GLP1R: variants seen among roughly 807,000 people sequenced by gnomAD.
GLP1R encodes glucagon-like peptide 1 receptor.
A neutral mutation model predicts 68.4 loss-of-function variants in GLP1R; 32 were observed. That is an observed-to-expected ratio of 0.47 (90% CI 0.35 to 0.63). GLP1R has a LOEUF of 0.63. Among genes scored for constraint, GLP1R ranks in the 20% least tolerant of loss-of-function variants. The pLI is 0.00. For synonymous variants in GLP1R, 263 were observed against 244.4 expected (o/e 1.08, Z -0.71); for missense variants, 502 against 594.9 (o/e 0.84, Z 1.62).
rs1443679451 is a variant in GLP1R at position 39,063,960 on chromosome 6, CA to C, written c.284-1750del. On this transcript the variant is annotated intron_variant, in intron 3 of 12. Coordinates refer to ENST00000373256, the MANE Select transcript of GLP1R (RefSeq NM_002062.5). ...ACACACACACACACACACACACACA[CA>C]CCCCACATTAATGAAGCCTCTTCTC... 7.8e-3 allele frequency among the ~76,000 whole-genome samples: 1,005 copies of C among 129,052 alleles called. 13 individuals are homozygous for C. Among genetic ancestry groups the C allele is most frequent in the African/African-American group, 0.029 (917 of 31,712 alleles). The allele number at this position is 129,052 out of a possible 152,430, so 84.7% of individuals were successfully genotyped here.
rs10305430 is a variant in GLP1R, at chr6:39,055,526, G to A, written c.79-871G>A. ...GGTCTGTGTGCTGAAAAGCCATTTC[G>A]GTGACCTCACTGGAAGTGGAGGCTC... On this transcript the variant is annotated intron_variant, in intron 1 of 12. Coordinates refer to ENST00000373256, the MANE Select transcript of GLP1R (RefSeq NM_002062.5). Among the ~76,000 whole-genome samples the A allele has an allele frequency of 8.6e-4, 131 of 152,272 alleles. 1 individual carries two copies. Among genetic ancestry groups the A allele is most frequent in the African/African-American group, 3.0e-3 (124 of 41,544 alleles).
At position 39,072,800 on chromosome 6, in the gene GLP1R, T is replaced by A. The variant is rs1768710109; in HGVS notation, c.510-62T>A. 10 of 1,466,302 alleles carry A rather than the reference T, an allele frequency of 6.8e-6. No homozygotes were observed. The South Asian group carries it at 9.7e-5, about 14-fold the overall frequency. 90.8% of individuals were successfully genotyped at this position (1,466,302 alleles called of 1,614,324 possible). A position where few individuals can be genotyped will look rare whatever the true frequency, so the allele number is the denominator to read the frequency against. ...TAATGTGTGTGTTAGCTTGAGAGCCTGGGGTTGTAGAGCAGAACTGTTGGC... is the reference window on the plus strand; with the variant it reads ...TAATGTGTGTGTTAGCTTGAGAGCCAGGGGTTGTAGAGCAGAACTGTTGGC... On this transcript the variant is annotated intron_variant, in intron 5 of 12. Coordinates refer to ENST00000373256, the MANE Select transcript of GLP1R (RefSeq NM_002062.5).
chr6:39,056,017 C>G (rs529491373), intron 1 of GLP1R, among the ~76,000 whole-genome samples: 4 of 152,286 alleles, frequency 2.6e-5, no homozygotes, highest in Non-Finnish European at 5.9e-5. Flanking sequence ...GCTGACTAGG[C>G]GCCAGAAGGA....
Position 39,090,472 on chromosome 6 carries a change from C to T in GLP1R, c.*4399C>T, listed in dbSNP as rs1769255359. Among the ~76,000 whole-genome samples, 1 of 152,154 alleles carries T rather than the reference C, an allele frequency of 6.6e-6. No homozygotes were observed. The highest frequency in any genetic ancestry group is 2.1e-4 in the South Asian group (1 of 4,824). Reference sequence around the variant, plus strand: ...CTGCACTCCTCCTCCCCGACAGCTGCCTCAGGAATAGGTGACCCTGCTGGC... The same window carrying T: ...CTGCACTCCTCCTCCCCGACAGCTGTCTCAGGAATAGGTGACCCTGCTGGC... On this transcript the variant is annotated 3_prime_UTR_variant, in exon 13 of 13. Coordinates refer to ENST00000373256, the MANE Select transcript of GLP1R (RefSeq NM_002062.5).
chr6:39,052,187 T>C (rs934971803), intron 1 of GLP1R, among the ~76,000 whole-genome samples: 3 of 151,962 alleles, frequency 2.0e-5, no homozygotes, highest in African/African-American at 7.3e-5. Context: ...GTGTGTAGTA[T>C]TCCTTTTCCT....
Position 39,088,916 on chromosome 6 carries a change from G to T in GLP1R, c.*2843G>T, listed in dbSNP as rs1769214352. Among the ~76,000 whole-genome samples, 1 of 152,196 alleles carries T rather than the reference G, an allele frequency of 6.6e-6. No homozygotes were observed. Among genetic ancestry groups the T allele is most frequent in the Non-Finnish European group, 1.5e-5 (1 of 68,034 alleles). Reference sequence around the variant, plus strand: ...GGTCACAACACTAGAGGGTGGTTGAGCTGGGCCAGGACCCAGACAAGCCCT... The same window carrying T: ...GGTCACAACACTAGAGGGTGGTTGATCTGGGCCAGGACCCAGACAAGCCCT... On this transcript the variant is annotated 3_prime_UTR_variant, in exon 13 of 13. Transcript: ENST00000373256.
At chr6:39,073,062 G>A (rs1768718448) in intron 6 of GLP1R, 47 bp downstream of exon 6, 1 of 1,568,554 alleles carries the variant, frequency 6.4e-7, no homozygotes, top group Non-Finnish European at 8.7e-7. Flanking sequence ...GGCGGTTGGA[G>A]GAGGCCTGCC....
intron 1 of GLP1R, among the ~76,000 whole-genome samples, chr6:39,053,918 TAAC>T (rs1202841260): frequency 6.6e-6 from 1 of 152,084 alleles, no homozygotes. Context: ...ATCCTCCTGA[TAAC>T]AGTCCACAGC....
rs1231391795 is a variant in GLP1R at position 39,087,536 on chromosome 6, T to A, written c.*1463T>A. On this transcript the variant is annotated 3_prime_UTR_variant, in exon 13 of 13. Coordinates refer to ENST00000373256, the MANE Select transcript of GLP1R (RefSeq NM_002062.5). ...AGAAGTTTCTGGAGCAAGAGAGAGCTCGCTCTTGGGAGTCAGGACCTCCGG... is the reference window on the plus strand; with the variant it reads ...AGAAGTTTCTGGAGCAAGAGAGAGCACGCTCTTGGGAGTCAGGACCTCCGG... 1 of 152,196 alleles carries A rather than the reference T, an allele frequency of 6.6e-6. No homozygotes were observed. The highest frequency in any genetic ancestry group is 1.5e-5 in the Non-Finnish European group (1 of 68,084). 9.4% of individuals were successfully genotyped at this position (152,196 alleles called of 1,614,324 possible).
chr6:39,058,830 T>A (rs1768283636), intron 3 of GLP1R, among the ~76,000 whole-genome samples: 1 of 152,232 alleles, frequency 6.6e-6, no homozygotes, highest in Non-Finnish European at 1.5e-5. Context: ...TTGTTCCAAA[T>A]GATGTGGTCA....
chr6:39,066,756 C>T (rs973507096), intron 5 of GLP1R, among the ~76,000 whole-genome samples: 2 of 152,286 alleles, frequency 1.3e-5, no homozygotes, highest in African/African-American at 2.4e-5. Flanking sequence ...CTAGATGAGA[C>T]GTTCCTTCCA....
intron 3 of GLP1R, among the ~76,000 whole-genome samples, chr6:39,061,290 T>G (rs553249254): frequency 2.0e-5 from 3 of 152,302 alleles, no homozygotes; most frequent in South Asian, 4.1e-4. Context: ...TGAAGTGGCT[T>G]CAGAGAGCCT....
Position 39,052,509 on chromosome 6 carries a change from G to A in GLP1R, c.78+3591G>A, listed in dbSNP as rs779447519. 1.2e-4 allele frequency among the ~76,000 whole-genome samples: 19 copies of A among 152,242 alleles called. 1 individual carries two copies. The highest frequency in any genetic ancestry group is 3.9e-4 in the East Asian group (2 of 5,172). On this transcript the variant is annotated intron_variant, in intron 1 of 12. Transcript: ENST00000373256. ...CCCACCTCTGTGCCACCTCCTTCCC[G>A]TCACCAAAATGGTCCCCAGAGAAAG... is the stretch of plus-strand genomic sequence containing the variant.
At chr6:39,067,009 A>G (rs1768536941) in intron 5 of GLP1R, among the ~76,000 whole-genome samples, 1 of 152,140 alleles carries the variant, frequency 6.6e-6, no homozygotes, top group Non-Finnish European at 1.5e-5. Flanking sequence ...TTTTATTATG[A>G]ATTATTCCAG....
rs776464173 is a variant in GLP1R, at chr6:39,079,022, T to C, written c.950T>C (p.Ile317Thr). 5.4e-5 allele frequency: 87 copies of C among 1,613,872 alleles called. No individual in the cohort carries two copies. The highest frequency in any genetic ancestry group is 2.5e-4 in the African/African-American group (19 of 75,050). The change falls in exon 9 of 13, where the codon ATT becomes ACT. Residue 317 changes from isoleucine to threonine, a missense_variant. Transcript: ENST00000373256. This position sits in a 1 kb window ranked among gnomAD's most constrained non-coding sequence, Gnocchi z 4.5. ...ATCCGGCTGCCCATTCTCTTTGCCA[T>C]TGGGGTGAGTGATGGTGTCAGGGAT... ...LIIRLPILFA[I>T]GVNFLIFVRV... is the part of the protein sequence containing the mutation.
intron 12 of GLP1R, among the ~76,000 whole-genome samples, chr6:39,085,354 C>T (rs1769117345): frequency 6.6e-6 from 1 of 152,228 alleles, no homozygotes; most frequent in Admixed American, 6.5e-5. Context: ...CACTGGCTGC[C>T]CCTTCCTCCC....
chr6:39,066,252 C>T lies in GLP1R; in HGVS notation c.458C>T (p.Ala153Val). ...TACATCATCTACACGGTGGGCTACG[C>T]ACTCTCCTTCTCTGCTCTGGTTATC... Reference protein sequence around the residue: ...FLYIIYTVGYALSFSALVIAS... With the variant: ...FLYIIYTVGYVLSFSALVIAS... The change falls in exon 5 of 13, where the codon GCA (alanine) becomes GTA (valine). Residue 153 changes from alanine (A) to valine (V), a missense_variant. Transcript: ENST00000373256. 1.9e-6 allele frequency: 3 copies of T among 1,613,476 alleles called. No homozygotes were observed. Among genetic ancestry groups the T allele is most frequent in the Non-Finnish European group, 2.5e-6 (3 of 1,179,402 alleles).
At chr6:39,054,512 C>T (rs550714554) in intron 1 of GLP1R, among the ~76,000 whole-genome samples, 1 of 152,140 alleles carries the variant, frequency 6.6e-6, no homozygotes, top group South Asian at 2.1e-4. Flanking sequence ...CTCAGGGAGC[C>T]CCAGTCTGAA....
In GLP1R at chr6:39,089,647, TGC is replaced by T. The variant is rs1045800765; in HGVS notation, c.*3575_*3576del. Reference sequence around the variant, plus strand: ...GTGTGTATGTGTGTGCATGTGTGTGTGCATGTTTCTTCTGTGCATAGCAGCAT... The same window carrying T: ...GTGTGTATGTGTGTGCATGTGTGTGTATGTTTCTTCTGTGCATAGCAGCAT... On this transcript the variant is annotated 3_prime_UTR_variant, in exon 13 of 13. Transcript: ENST00000373256. This position sits in a 1 kb window ranked among gnomAD's most constrained non-coding sequence, Gnocchi z 4.1. 1.7e-4 allele frequency among the ~76,000 whole-genome samples: 26 copies of T among 152,276 alleles called. No homozygotes were observed. The highest frequency in any genetic ancestry group is 6.0e-4 in the African/African-American group (25 of 41,546).
Sources: allele counts gnomAD v4.1 joint callset (sites outside exome capture counted in the v4.1 genomes callset), GRCh38; gene constraint gnomAD v4.1.1; non-coding constraint Gnocchi (gnomAD v3.1); transcripts MANE v1.5; gene names NCBI Gene and HGNC (gene_info 2026-07-23, HGNC 2026-07-21).